Variants in PDE4D observed in about 807,000 individuals in gnomAD.
PDE4D encodes the protein phosphodiesterase 4D.
A neutral mutation model predicts 87.4 loss-of-function variants in PDE4D; 24 were observed. The observed-to-expected ratio is 0.27, with a 90% CI of 0.20 to 0.39. The LOEUF is 0.39. PDE4D is among the 10% of genes least tolerant of loss of function. The probability of loss-of-function intolerance (pLI) is 1.00; values close to 1 mark genes in which losing one functional copy is unlikely to be tolerated. For synonymous variants in PDE4D, 384 were observed against 383.2 expected (o/e 1.00, Z -0.02); for missense variants, 714 against 1,041.0 (o/e 0.69, Z 4.32).
intron 3 of PDE4D, among the ~76,000 whole-genome samples, chr5:59,978,488 A>G (rs918775613): frequency 6.6e-6 from 1 of 152,226 alleles, no homozygotes; most frequent in Non-Finnish European, 1.5e-5. Context: ...ATCTTATGAT[A>G]AAACTTGAAA....
intron 1 of PDE4D, among the ~76,000 whole-genome samples, chr5:59,319,636 A>T (rs528680188): frequency 2.4e-4 from 37 of 152,154 alleles, no homozygotes; most frequent in South Asian, 6.2e-4. Flanking sequence ...CAGAGTCTCT[A>T]TAAAAAGATG....
At chr5:60,073,174 G>C (rs1772916360) in intron 2 of PDE4D, among the ~76,000 whole-genome samples, 1 of 152,038 alleles carries the variant, frequency 6.6e-6, no homozygotes, top group Non-Finnish European at 1.5e-5. Context: ...TTATTTTTCT[G>C]AGGTACGTTC....
chr5:59,500,078 G>A (rs922275795), intron 1 of PDE4D, among the ~76,000 whole-genome samples: 12 of 152,034 alleles, frequency 7.9e-5, no homozygotes, highest in African/African-American at 2.9e-4. Flanking sequence ...ACTCAGAATG[G>A]CTAGTATATT....
chr5:59,710,935 T>A (rs532208915), intron 1 of PDE4D, among the ~76,000 whole-genome samples: 1 of 152,192 alleles, frequency 6.6e-6, no homozygotes. Flanking sequence ...CATAACTCCA[T>A]GTACATTTTA....
intron 1 of PDE4D, among the ~76,000 whole-genome samples, chr5:59,674,067 C>A (rs571996259): frequency 6.6e-6 from 1 of 151,972 alleles, no homozygotes; most frequent in East Asian, 1.9e-4. Flanking sequence ...AGGATGCTAC[C>A]TAAATTGTTA....
chr5:59,566,507 C>T (rs1291728393), intron 1 of PDE4D, among the ~76,000 whole-genome samples: 3 of 151,372 alleles, frequency 2.0e-5, no homozygotes, highest in South Asian at 2.1e-4. Flanking sequence ...GTCTTTCTCC[C>T]GTAGCATCTG....
At chr5:59,134,260 C>G (rs1035202271) in intron 5 of PDE4D, among the ~76,000 whole-genome samples, 3 of 149,864 alleles carry the variant, frequency 2.0e-5, no homozygotes, top group Non-Finnish European at 4.4e-5. Flanking sequence ...TATTTGACAT[C>G]AATTTACTTA....
intron 5 of PDE4D, among the ~76,000 whole-genome samples, chr5:59,131,721 T>C (rs1034069791): frequency 4.6e-5 from 7 of 151,908 alleles, no homozygotes; most frequent in South Asian, 2.1e-4. Context: ...TAAAAGTATA[T>C]AGAATGTGGA....
chr5:59,953,910 T>C (rs1416795877), intron 3 of PDE4D, among the ~76,000 whole-genome samples: 1 of 152,180 alleles, frequency 6.6e-6, no homozygotes, highest in Non-Finnish European at 1.5e-5. Flanking sequence ...GAAGCTTTAA[T>C]GTTTCCTAGT....
chr5:60,295,728 A>G (rs985591499), intron 1 of PDE4D, among the ~76,000 whole-genome samples: 18 of 152,152 alleles, frequency 1.2e-4, no homozygotes, highest in Admixed American at 1.1e-3. Flanking sequence ...AACACAGGAG[A>G]TTACAGCTAA....
intron 2 of PDE4D, among the ~76,000 whole-genome samples, chr5:60,044,103 T>C (rs1204827197): frequency 1.3e-5 from 2 of 152,062 alleles, no homozygotes; most frequent in African/African-American, 2.4e-5. Flanking sequence ...ACTTTTTTTT[T>C]ATACTCAACA....
Position 59,261,587 on chromosome 5 carries a change from C to A in PDE4D, c.456-45619G>T, listed in dbSNP as rs1264755987. Reference sequence around the variant, plus strand: ...AATAAGTGAAATAATGCCTTATATTCATTTTATGAGTTAATTTTGTATAAA... The same window carrying A: ...AATAAGTGAAATAATGCCTTATATTAATTTTATGAGTTAATTTTGTATAAA... On this transcript the variant is annotated intron_variant, in intron 1 of 14. Coordinates refer to ENST00000340635, the MANE Select transcript of PDE4D (RefSeq NM_001104631.2). 2.6e-5 allele frequency among the ~76,000 whole-genome samples: 4 copies of A among 151,840 alleles called. No individual in the cohort carries two copies. The East Asian group carries it at 7.8e-4, about 30-fold the overall frequency.
chr5:59,977,354 T>C (rs1169813416), intron 3 of PDE4D, among the ~76,000 whole-genome samples: 2 of 152,200 alleles, frequency 1.3e-5, no homozygotes, highest in Non-Finnish European at 2.9e-5. Flanking sequence ...AGCCGCAACA[T>C]TCCCTTAAGC....
At chr5:59,954,455 A>G (rs778117136) in intron 3 of PDE4D, among the ~76,000 whole-genome samples, 1 of 152,214 alleles carries the variant, frequency 6.6e-6, no homozygotes, top group Non-Finnish European at 1.5e-5. Flanking sequence ...AGCAGGATTC[A>G]GCATGAAAGA....
intron 1 of PDE4D, among the ~76,000 whole-genome samples, chr5:59,502,639 G>C (rs1273195466): frequency 6.7e-6 from 1 of 149,414 alleles, no homozygotes; most frequent in Non-Finnish European, 1.5e-5. Context: ...TTTCCACTCA[G>C]ATAATTTCTT....
chr5:59,840,052 CT>C (rs1226018343), intron 1 of PDE4D, among the ~76,000 whole-genome samples: 2 of 152,014 alleles, frequency 1.3e-5, no homozygotes, highest in African/African-American at 2.4e-5. Flanking sequence ...CACTTTCCCC[CT>C]CTGAGCATCT....
chr5:59,578,869 C>A (rs999528993), intron 1 of PDE4D, among the ~76,000 whole-genome samples: 1 of 152,106 alleles, frequency 6.6e-6, no homozygotes, highest in African/African-American at 2.4e-5. Context: ...TCCTTAGGGA[C>A]ATGCTTCCTA....
chr5:59,501,079 AC>A (rs1808215055), intron 1 of PDE4D, among the ~76,000 whole-genome samples: 1 of 152,148 alleles, frequency 6.6e-6, no homozygotes, highest in Non-Finnish European at 1.5e-5. Context: ...TGAAATCCAA[AC>A]CCTCTCTCCA....
chr5:59,715,563 G>C (rs1464549485), intron 1 of PDE4D, among the ~76,000 whole-genome samples: 1 of 141,226 alleles, frequency 7.1e-6, no homozygotes, highest in Admixed American at 6.9e-5. Flanking sequence ...TCACCAAAGA[G>C]GTGACACATA....
Sources: gnomAD v4.1 joint callset for allele counts (sites outside exome capture counted in the v4.1 genomes callset) on GRCh38, gnomAD v4.1.1 for gene constraint, MANE v1.5 for transcripts, NCBI Gene and HGNC (gene_info 2026-07-23, HGNC 2026-07-21) for gene names.